Variants in PRKN observed in about 807,000 individuals in gnomAD.
PRKN encodes the protein parkin RBR E3 ubiquitin protein ligase, also known as E3 ubiquitin-protein ligase parkin.
PRKN carries 56 observed loss-of-function variants against 59.5 expected under a neutral mutation model. That is an observed-to-expected ratio of 0.94 (90% CI 0.76 to 1.18). PRKN has a LOEUF of 1.18. Among genes scored for constraint, PRKN ranks in the 50% most tolerant of loss-of-function variants. PRKN has a pLI of 0.00. For missense variants in PRKN, 657 were observed against 596.4 expected (o/e 1.10, Z -1.06); for synonymous variants, 250 against 222.1 (o/e 1.13, Z -1.12).
At chr6:161,615,218 G>T (rs1243679775) in intron 7 of PRKN, among the ~76,000 whole-genome samples, 2 of 152,056 alleles carry the variant, frequency 1.3e-5, no homozygotes, top group Admixed American at 1.3e-4. Flanking sequence ...GATGCCTTTT[G>T]TGTTATTTTG....
chr6:162,643,841 A>G (rs1164658314), intron 1 of PRKN: 1 of 152,140 alleles, frequency 6.6e-6, no homozygotes, highest in African/African-American at 2.4e-5. Flanking sequence ...GTTAATACTC[A>G]TTTTACTTCG....
At chr6:161,881,882 T>C (rs1265669739) in intron 6 of PRKN, among the ~76,000 whole-genome samples, 2 of 152,136 alleles carry the variant, frequency 1.3e-5, no homozygotes, top group Non-Finnish European at 2.9e-5. Context: ...TAGGCCTTTC[T>C]CTTTTCTGAT....
intron 3 of PRKN, among the ~76,000 whole-genome samples, chr6:162,204,277 C>T (rs1263111879): frequency 6.6e-6 from 1 of 152,090 alleles, no homozygotes; most frequent in African/African-American, 2.4e-5. Flanking sequence ...GGGATTCTCT[C>T]GTCAAACCAA....
At chr6:161,659,003 T>C (rs1784451332) in intron 7 of PRKN, among the ~76,000 whole-genome samples, 1 of 152,220 alleles carries the variant, frequency 6.6e-6, no homozygotes, top group Non-Finnish European at 1.5e-5. Context: ...CTGGAACTCA[T>C]GTTGTGCTGA....
At position 162,344,559 on chromosome 6, in the gene PRKN, T is replaced by C. The variant is rs115891036; in HGVS notation, c.172-81794A>G. Among the ~76,000 whole-genome samples, 474 of 151,988 alleles carry C rather than the reference T, an allele frequency of 3.1e-3. 5 individuals are homozygous for C. The highest frequency in any genetic ancestry group is 0.011 in the African/African-American group (457 of 41,442). ...CCCCATCACTGCCCTCACAGCTGGG[T>C]CAGGGAGGTCTGGCCTGGCCCTTGT... On this transcript the variant is annotated intron_variant, in intron 2 of 11. Coordinates refer to ENST00000366898, the MANE Select transcript of PRKN (RefSeq NM_004562.3).
intron 1 of PRKN, among the ~76,000 whole-genome samples, chr6:162,574,623 G>C (rs1295231661): frequency 6.6e-6 from 1 of 152,106 alleles, no homozygotes; most frequent in African/African-American, 2.4e-5. Flanking sequence ...TCTCAAAATA[G>C]GATGGCCGTT....
chr6:162,156,050 T>C (rs2849610), intron 4 of PRKN, among the ~76,000 whole-genome samples: 142,761 of 152,016 alleles, frequency 0.94, 67,493 homozygotes, highest in Non-Finnish European at 1. Context: ...AATATATGCC[T>C]TCACCCACAT....
intron 2 of PRKN, among the ~76,000 whole-genome samples, chr6:162,376,436 T>G (rs1014360701): frequency 1.3e-5 from 2 of 151,894 alleles, no homozygotes; most frequent in African/African-American, 4.8e-5. Flanking sequence ...ACATTCATGT[T>G]TCCCCGCCGT....
intron 1 of PRKN, among the ~76,000 whole-genome samples, chr6:162,469,231 A>G (rs1583625188): frequency 6.6e-6 from 1 of 151,662 alleles, no homozygotes; most frequent in South Asian, 2.1e-4. Context: ...ACTATAAGAA[A>G]AGTTCAGAGG....
intron 4 of PRKN, among the ~76,000 whole-genome samples, chr6:162,148,379 G>GA (rs60226088): frequency 0.98 from 147,385 of 150,824 alleles, 72,104 homozygotes; most frequent in Middle Eastern, 1. Context: ...CTAAGAGCTT[G>GA]AAAAAAAAAG....
intron 1 of PRKN, among the ~76,000 whole-genome samples, chr6:162,592,352 G>A (rs73008453): frequency 0.1 from 15,582 of 152,186 alleles, 944 homozygotes; most frequent in Middle Eastern, 0.19. Context: ...CCAATTAGAT[G>A]TATTTATCTT....
chr6:161,924,048 G>A (rs763172487), intron 6 of PRKN, among the ~76,000 whole-genome samples: 18 of 152,176 alleles, frequency 1.2e-4, no homozygotes, highest in Admixed American at 4.6e-4. Context: ...GTAGTTATGG[G>A]ACAATGGGGA....
At chr6:162,644,857 T>A (rs1344167544) in intron 1 of PRKN, among the ~76,000 whole-genome samples, 1 of 152,232 alleles carries the variant, frequency 6.6e-6, no homozygotes, top group African/African-American at 2.4e-5. Context: ...AATAGCTGTA[T>A]GTTATTGGAA....
intron 1 of PRKN, among the ~76,000 whole-genome samples, chr6:162,564,758 A>G (rs2128207027): frequency 6.6e-6 from 1 of 152,270 alleles, no homozygotes; most frequent in Non-Finnish European, 1.5e-5. Flanking sequence ...TGGCAAAACT[A>G]TCCTTTAAAC....
intron 6 of PRKN, among the ~76,000 whole-genome samples, chr6:161,801,450 G>C (rs528816299): frequency 2.0e-5 from 3 of 152,306 alleles, no homozygotes; most frequent in East Asian, 1.9e-4. Flanking sequence ...CCATGGGAGC[G>C]GGTGGGGCCA....
intron 6 of PRKN, among the ~76,000 whole-genome samples, chr6:161,957,432 G>GTT (rs759971034): frequency 5.3e-5 from 6 of 112,934 alleles, no homozygotes; most frequent in African/African-American, 1.3e-4. Context: ...TTGTTTGTTT[G>GTT]TTTGTTTTTT....
At chr6:162,020,256 A>C (rs1342184687) in intron 5 of PRKN, among the ~76,000 whole-genome samples, 1 of 141,650 alleles carries the variant, frequency 7.1e-6, no homozygotes, top group Non-Finnish European at 1.5e-5. Context: ...TGCAGTAAAC[A>C]TGGATAGAAT....
At chr6:162,259,235 G>T (rs1298305187) in intron 3 of PRKN, among the ~76,000 whole-genome samples, 1 of 152,146 alleles carries the variant, frequency 6.6e-6, no homozygotes, top group Non-Finnish European at 1.5e-5. Context: ...TGATTGGCTT[G>T]GTGTGTTCAC....
intron 6 of PRKN, among the ~76,000 whole-genome samples, chr6:161,903,736 G>A (rs957914377): frequency 2.6e-5 from 4 of 151,830 alleles, no homozygotes; most frequent in Admixed American, 2.0e-4. Flanking sequence ...TAAGTATGAG[G>A]AAAGAGATAA....
Sources: gnomAD v4.1 joint callset for allele counts (sites outside exome capture counted in the v4.1 genomes callset) on GRCh38, gnomAD v4.1.1 for gene constraint, MANE v1.5 for transcripts, NCBI Gene and HGNC (gene_info 2026-07-23, HGNC 2026-07-21) for gene names.